The following CTDSPL2 variants were observed in gnomAD, a reference collection of about 807,000 sequenced individuals.
The protein encoded by CTDSPL2 is CTD small phosphatase like 2.
Under a neutral mutation model 60.0 loss-of-function variants are expected in CTDSPL2, and 5 were observed. The ratio of observed to expected loss-of-function variants is 0.08; its 90% CI spans 0.04 to 0.18. The LOEUF (loss-of-function observed/expected upper bound fraction) is 0.18. Ranked by LOEUF, CTDSPL2 falls within the 10% of genes least tolerant of loss-of-function variation. The probability of loss-of-function intolerance (pLI) is 1.00; values close to 1 mark genes in which losing one functional copy is unlikely to be tolerated. For missense variants in CTDSPL2, 370 were observed against 548.8 expected (o/e 0.67, Z 3.26); for synonymous variants, 186 against 189.3 (o/e 0.98, Z 0.14).
intron 1 of CTDSPL2, among the ~76,000 whole-genome samples, chr15:44,447,181 G>T (rs1255500200): frequency 6.6e-6 from 1 of 152,140 alleles, no homozygotes; most frequent in East Asian, 1.9e-4. Context: ...TACTTTATGT[G>T]GTTGAGAAGG....
chr15:44,469,582 A>G (rs1256331228), intron 2 of CTDSPL2, among the ~76,000 whole-genome samples: 1 of 152,070 alleles, frequency 6.6e-6, no homozygotes, highest in Admixed American at 6.6e-5. Context: ...AAGAATATTA[A>G]TATACTCTGT....
intron 1 of CTDSPL2, among the ~76,000 whole-genome samples, chr15:44,431,124 C>T (rs1595683876): frequency 2.1e-5 from 3 of 139,746 alleles, no homozygotes; most frequent in East Asian, 4.1e-4. Context: ...ATCTGGCCCA[C>T]TTTTTTTTTT....
intron 1 of CTDSPL2, among the ~76,000 whole-genome samples, chr15:44,435,807 A>G (rs2079969496): frequency 6.6e-6 from 1 of 151,834 alleles, no homozygotes; most frequent in South Asian, 2.1e-4. Flanking sequence ...GGGTTTCGCC[A>G]TGTTGGCCAG....
intron 8 of CTDSPL2, among the ~76,000 whole-genome samples, chr15:44,504,211 G>A (rs1412730227): frequency 6.6e-6 from 1 of 151,798 alleles, no homozygotes; most frequent in Non-Finnish European, 1.5e-5. Flanking sequence ...TTAGCCGGGC[G>A]TGGTGGCAGG....
intron 8 of CTDSPL2, among the ~76,000 whole-genome samples, chr15:44,503,115 T>G (rs61258861): frequency 0.051 from 7,811 of 152,176 alleles, 354 homozygotes; most frequent in East Asian, 0.23. Context: ...TGTATATGGA[T>G]AAAAAGTCAT....
intron 2 of CTDSPL2, among the ~76,000 whole-genome samples, chr15:44,464,187 A>G (rs1353553295): frequency 6.6e-6 from 1 of 152,134 alleles, no homozygotes; most frequent in South Asian, 2.1e-4. Flanking sequence ...GCTCTTACTT[A>G]TGGTTAGTAA....
intron 2 of CTDSPL2, among the ~76,000 whole-genome samples, chr15:44,477,883 A>T (rs771284380): frequency 4.6e-5 from 7 of 152,140 alleles, no homozygotes; most frequent in Non-Finnish European, 7.4e-5. Flanking sequence ...ATATGTATTC[A>T]CATATTTTCC....
intron 1 of CTDSPL2, among the ~76,000 whole-genome samples, chr15:44,446,158 T>G (rs1049652386): frequency 6.8e-6 from 1 of 146,082 alleles, no homozygotes; most frequent in Non-Finnish European, 1.6e-5. Flanking sequence ...ACTCCTGACC[T>G]CGTGATCCAC....
chr15:44,499,863 TAAAAA>T (rs755242893), intron 8 of CTDSPL2, 50 bp downstream of exon 8: 2 of 1,027,580 alleles, frequency 1.9e-6, no homozygotes, highest in South Asian at 2.7e-5. Context: ...AACATTCTGA[TAAAAA>T]AAACTTTTGT....
At chr15:44,468,342 A>C (rs2080738106) in intron 2 of CTDSPL2, among the ~76,000 whole-genome samples, 1 of 152,140 alleles carries the variant, frequency 6.6e-6, no homozygotes, top group Admixed American at 6.6e-5. Context: ...TTATTAATTT[A>C]ATACTGTCTA....
At chr15:44,443,608 G>C (rs2080138310) in intron 1 of CTDSPL2, among the ~76,000 whole-genome samples, 1 of 152,092 alleles carries the variant, frequency 6.6e-6, no homozygotes, top group Non-Finnish European at 1.5e-5. Context: ...ATCTAAATGA[G>C]TGTGAAGCTG....
At chr15:44,473,282 C>T (rs1312840479) in intron 2 of CTDSPL2, among the ~76,000 whole-genome samples, 1 of 152,060 alleles carries the variant, frequency 6.6e-6, no homozygotes, top group African/African-American at 2.4e-5. Context: ...ATCAGGGTGA[C>T]AAAGATTTAT....
At chr15:44,485,139 G>A (rs2081096515) in intron 3 of CTDSPL2, among the ~76,000 whole-genome samples, 1 of 152,142 alleles carries the variant, frequency 6.6e-6, no homozygotes, top group South Asian at 2.1e-4. Flanking sequence ...TGGAGGGGTG[G>A]CTACTAGTGT....
At chr15:44,427,817 C>T (rs1481918898) in intron 1 of CTDSPL2, 45 bp downstream of exon 1, 10 of 397,750 alleles carry the variant, frequency 2.5e-5, no homozygotes, top group East Asian at 7.1e-5. Context: ...CAATCTCAGT[C>T]CTCCTCCTCT....
chr15:44,496,029 A>G (rs576808478), intron 5 of CTDSPL2, among the ~76,000 whole-genome samples: 1 of 152,346 alleles, frequency 6.6e-6, no homozygotes, highest in South Asian at 2.1e-4. Context: ...TATTACCCCT[A>G]TAAGAGCACC....
In CTDSPL2 at chr15:44,445,248, C is replaced by T. The variant is rs146281247; in HGVS notation, c.-24-13743C>T. 1.7e-3 allele frequency among the ~76,000 whole-genome samples: 259 copies of T among 152,004 alleles called. 1 individual carries two copies. Among genetic ancestry groups the T allele is most frequent in the African/African-American group, 6.0e-3 (249 of 41,444 alleles). ...TGTTGCCCTGTCTGCAGTGCAGTGA[C>T]GCAGTCACAGCTTACTGCAGCTTCG... On this transcript the variant is annotated intron_variant, in intron 1 of 12. Coordinates refer to ENST00000260327, the MANE Select transcript of CTDSPL2 (RefSeq NM_016396.3).
intron 1 of CTDSPL2, among the ~76,000 whole-genome samples, chr15:44,455,989 T>C (rs2080430987): frequency 6.6e-6 from 1 of 151,448 alleles, no homozygotes; most frequent in African/African-American, 2.4e-5. Context: ...TAGCTGGGAC[T>C]ACAGGCGCCC....
At chr15:44,475,908 A>G (rs1392131991) in intron 2 of CTDSPL2, among the ~76,000 whole-genome samples, 4 of 152,278 alleles carry the variant, frequency 2.6e-5, no homozygotes, top group South Asian at 2.1e-4. Flanking sequence ...GCTATTGACA[A>G]TTGCATCAAG....
At chr15:44,464,837 C>T (rs2080651244) in intron 2 of CTDSPL2, among the ~76,000 whole-genome samples, 1 of 152,114 alleles carries the variant, frequency 6.6e-6, no homozygotes, top group Non-Finnish European at 1.5e-5. Context: ...TCCTGGATAG[C>T]TGGAATTACA....
Sources: gnomAD v4.1 joint callset for allele counts (sites outside exome capture counted in the v4.1 genomes callset) on GRCh38, gnomAD v4.1.1 for gene constraint, MANE v1.5 for transcripts, NCBI Gene and HGNC (gene_info 2026-07-23, HGNC 2026-07-21) for gene names.